The following TCF12 variants were observed in gnomAD, a reference collection of about 807,000 sequenced individuals.
TCF12 encodes transcription factor 12.
Under a neutral mutation model 86.0 loss-of-function variants are expected in TCF12, and 45 were observed. The observed-to-expected ratio is 0.52, with a 90% CI of 0.41 to 0.67. The LOEUF is 0.67. TCF12 is among the 30% of genes least tolerant of loss of function. The probability of loss-of-function intolerance (pLI) is 0.00; values close to 1 mark genes in which losing one functional copy is unlikely to be tolerated. For missense variants in TCF12, 881 were observed against 859.9 expected, an observed-to-expected ratio of 1.02 and a Z score of -0.31; for synonymous variants, 330 against 299.6, an observed-to-expected ratio of 1.10 and a Z score of -1.05.
chr15:57,005,876 T>A (rs1486182150), intron 3 of TCF12, among the ~76,000 whole-genome samples: 2 of 152,200 alleles, frequency 1.3e-5, no homozygotes, highest in African/African-American at 4.8e-5. Flanking sequence ...AGTCTGAGTA[T>A]TTTACGGAAG....
chr15:57,206,478 T>C (rs1044181902), intron 8 of TCF12, among the ~76,000 whole-genome samples: 1 of 151,828 alleles, frequency 6.6e-6, no homozygotes, highest in African/African-American at 2.4e-5. Context: ...AAAGAAAAGG[T>C]AAATGTAGTT....
intron 3 of TCF12, among the ~76,000 whole-genome samples, chr15:56,972,007 C>T (rs2140756999): frequency 6.6e-6 from 1 of 152,236 alleles, no homozygotes; most frequent in East Asian, 1.9e-4. Flanking sequence ...GATGGTTGCA[C>T]AGCTCTTACG....
chr15:57,098,860 C>A (rs555420065), intron 5 of TCF12, among the ~76,000 whole-genome samples: 5 of 152,258 alleles, frequency 3.3e-5, no homozygotes, highest in Non-Finnish European at 7.4e-5. Context: ...ATATCATCAG[C>A]CCTCCCTCTT....
chr15:57,087,053 CTCCCTCTGTCTCCCTCTCTCTCCCTCTG>C lies in TCF12; in HGVS notation c.223-4733_223-4706del, dbSNP rs1409957061. ...TCTCTTCCCCTCTCTCTCCCTCTGT[CTCCCTCTGTCTCCCTCTCTCTCCCTCTG>C]TCTCCCTCTGTCTCCCTCTCTCTCC... On this transcript the variant is annotated intron_variant, in intron 4 of 20. Transcript: ENST00000333725. Among the ~76,000 whole-genome samples, 13 of 147,588 alleles carry C rather than the reference CTCCCTCTGTCTCCCTCTCTCTCCCTCTG, an allele frequency of 8.8e-5. No homozygotes were observed. The South Asian group carries it at 1.9e-3, about 22-fold the overall frequency.
At chr15:57,258,146 TGGC>T (rs2060433742) in intron 16 of TCF12, among the ~76,000 whole-genome samples, 1 of 152,082 alleles carries the variant, frequency 6.6e-6, no homozygotes, top group African/African-American at 2.4e-5. Flanking sequence ...CCACATGTGG[TGGC>T]GCATGCCTGT....
intron 16 of TCF12, among the ~76,000 whole-genome samples, chr15:57,260,261 AT>A (rs1413845966): frequency 6.6e-6 from 1 of 152,156 alleles, no homozygotes; most frequent in African/African-American, 2.4e-5. Flanking sequence ...TATTTAGGTA[AT>A]GATCAGACAC....
At chr15:57,176,241 G>C (rs535323033) in intron 6 of TCF12, among the ~76,000 whole-genome samples, 2 of 152,116 alleles carry the variant, frequency 1.3e-5, no homozygotes, top group Non-Finnish European at 2.9e-5. Flanking sequence ...CCTCAATTCC[G>C]TGAGCTCTCT....
chr15:56,964,666 A>G (rs1242992348), intron 3 of TCF12, among the ~76,000 whole-genome samples: 6 of 152,130 alleles, frequency 3.9e-5, no homozygotes, highest in African/African-American at 1.4e-4. Flanking sequence ...GCTTAATAAG[A>G]TTTTACACAT....
chr15:57,065,727 T>C (rs554442383), intron 4 of TCF12, among the ~76,000 whole-genome samples: 1 of 151,968 alleles, frequency 6.6e-6, no homozygotes, highest in South Asian at 2.1e-4. Context: ...AAATTAAGTT[T>C]ACCTTCAGAC....
intron 3 of TCF12, among the ~76,000 whole-genome samples, chr15:56,959,230 G>A (rs1808300229): frequency 6.6e-6 from 1 of 152,088 alleles, no homozygotes; most frequent in Admixed American, 6.6e-5. Context: ...TATGAGCCTG[G>A]CATTCTCTTT....
At chr15:57,285,654 T>C (rs1292910190) in intron 20 of TCF12, among the ~76,000 whole-genome samples, 1 of 152,220 alleles carries the variant, frequency 6.6e-6, no homozygotes, top group Non-Finnish European at 1.5e-5. Flanking sequence ...GAGTAGCACC[T>C]CAGAGCTCAG....
chr15:57,242,857 A>G (rs1197449961), intron 12 of TCF12, among the ~76,000 whole-genome samples: 1 of 152,208 alleles, frequency 6.6e-6, no homozygotes, highest in Non-Finnish European at 1.5e-5. Context: ...ATCATCTTGG[A>G]AACAGTTTTT....
intron 3 of TCF12, among the ~76,000 whole-genome samples, chr15:57,005,461 A>G (rs1455875896): frequency 2.6e-5 from 4 of 152,232 alleles, no homozygotes; most frequent in African/African-American, 7.2e-5. Flanking sequence ...ACTGTCTCCC[A>G]TAGATCTCAT....
chr15:56,920,056 T>G, intron 2 of TCF12, 68 bp downstream of exon 2: 3 of 1,585,994 alleles, frequency 1.9e-6, no homozygotes, highest in Non-Finnish European at 2.6e-6. Flanking sequence ...GTTTGTTTCT[T>G]TTAAATAAAG....
intron 5 of TCF12, among the ~76,000 whole-genome samples, chr15:57,102,662 AT>A (rs2049841992): frequency 1.3e-5 from 2 of 150,502 alleles, no homozygotes; most frequent in African/African-American, 4.9e-5. Flanking sequence ...TTTCTTTTTT[AT>A]TTAAAAAACA....
At chr15:57,074,596 C>G (rs1043021286) in intron 4 of TCF12, among the ~76,000 whole-genome samples, 7 of 152,144 alleles carry the variant, frequency 4.6e-5, no homozygotes, top group Non-Finnish European at 8.8e-5. Context: ...CAGCCTTGAC[C>G]TCCCAGGCTC....
intron 18 of TCF12, among the ~76,000 whole-genome samples, chr15:57,265,983 A>G (rs1597758187): frequency 1.3e-5 from 2 of 152,324 alleles, no homozygotes; most frequent in East Asian, 3.9e-4. Context: ...TCATAACTGT[A>G]TATTAATATA....
intron 3 of TCF12, among the ~76,000 whole-genome samples, chr15:57,010,331 T>G (rs2064748365): frequency 6.6e-6 from 1 of 151,992 alleles, no homozygotes; most frequent in Admixed American, 6.6e-5. Context: ...GAGGATTGCT[T>G]GAGGCCAGGA....
At position 57,020,649 on chromosome 15, in the gene TCF12, G is replaced by A. The variant is rs139721398; in HGVS notation, c.149-43101G>A. On this transcript the variant is annotated intron_variant, in intron 3 of 20. Transcript: ENST00000333725. ...ATCTACTAAATAGATGGATAAGGTC[G>A]CTTGGGAAATGTGTTCAACGAAATA... 3.9e-5 allele frequency among the ~76,000 whole-genome samples: 6 copies of A among 152,250 alleles called. No homozygotes were observed. In the East Asian group the frequency reaches 7.7e-4, roughly 20 times the overall value.
Sources: allele counts gnomAD v4.1 joint callset (sites outside exome capture counted in the v4.1 genomes callset), GRCh38; gene constraint gnomAD v4.1.1; transcripts MANE v1.5; gene names NCBI Gene and HGNC (gene_info 2026-07-23, HGNC 2026-07-21).